The following BAZ1B variants were observed in gnomAD, a reference collection of about 807,000 sequenced individuals.
BAZ1B encodes tyrosine-protein kinase BAZ1B.
BAZ1B carries 22 observed loss-of-function variants against 153.8 expected under a neutral mutation model. The ratio of observed to expected loss-of-function variants is 0.14; its 90% CI spans 0.10 to 0.20. BAZ1B has a LOEUF of 0.20. Among genes scored for constraint, BAZ1B ranks in the 10% least tolerant of loss-of-function variants. BAZ1B has a pLI of 1.00. For missense variants in BAZ1B, 1,325 were observed against 1,799.3 expected, an observed-to-expected ratio of 0.74 and a Z score of 4.77; for synonymous variants, 676 against 633.4, an observed-to-expected ratio of 1.07 and a Z score of -1.01.
At chr7:73,481,988 G>A (rs556385860) in intron 6 of BAZ1B, among the ~76,000 whole-genome samples, 191 of 152,262 alleles carry the variant, frequency 1.3e-3, no homozygotes, top group Admixed American at 2.2e-3. Flanking sequence ...GCAGTGAGCC[G>A]AGATCCCGCC....
At chr7:73,447,020 A>C (rs1787862230) in intron 16 of BAZ1B, among the ~76,000 whole-genome samples, 1 of 152,230 alleles carries the variant, frequency 6.6e-6, no homozygotes, top group African/African-American at 2.4e-5. Flanking sequence ...AATTCTACTA[A>C]ATCTTAGAGC....
rs782374267 is a variant in BAZ1B, at chr7:73,478,111, C to A, written c.1350G>T (p.Met450Ile). The A allele has an allele frequency of 8.7e-6, 14 of 1,614,182 alleles. No homozygotes were observed. Among genetic ancestry groups the A allele is most frequent in the Non-Finnish European group, 5.1e-6 (6 of 1,180,032 alleles). The change falls in exon 7 of 20, where the codon ATG (methionine) becomes ATT (isoleucine). Residue 450 changes from methionine to isoleucine, a missense_variant. This residue lies in a region of BAZ1B where 219 missense variants were observed against 248.2 expected (regional missense o/e 0.88). Transcript: ENST00000339594. ...CCCCAGAATTCCGTGGGGCTCGTGT[C>A]ATCTTCTGCGTGCCTTTGGCCATAT... ...LLDMAKGTQK[M>I]TRAPRNSGGT...
intron 6 of BAZ1B, among the ~76,000 whole-genome samples, chr7:73,482,687 T>C (rs1243975940): frequency 6.6e-6 from 1 of 152,186 alleles, no homozygotes; most frequent in Non-Finnish European, 1.5e-5. Context: ...CTTAGAAGCA[T>C]AGTAGTATGA....
chr7:73,460,105 C>T (rs1292577822), intron 12 of BAZ1B, among the ~76,000 whole-genome samples: 1 of 149,206 alleles, frequency 6.7e-6, no homozygotes, highest in Non-Finnish European at 1.5e-5. Context: ...AGGAGAATCA[C>T]TTGAACCCGG....
At chr7:73,462,557 A>G in intron 12 of BAZ1B, 1 of 265,804 alleles carries the variant, frequency 3.8e-6, no homozygotes, top group Non-Finnish European at 7.2e-6. Context: ...GAGTGTGAAG[A>G]ATGGGCAAGT....
At chr7:73,468,400 C>A (rs2116308012) in intron 9 of BAZ1B, among the ~76,000 whole-genome samples, 1 of 151,936 alleles carries the variant, frequency 6.6e-6, no homozygotes, top group Non-Finnish European at 1.5e-5. Context: ...TCTTCCTCAT[C>A]AGTGTCATGG....
chr7:73,465,567 TG>T, intron 10 of BAZ1B, 30 bp from the exon 11 acceptor site: 5 of 1,358,148 alleles, frequency 3.7e-6, no homozygotes, highest in Non-Finnish European at 4.0e-6. Context: ...CTGATAACTC[TG>T]AAAAAAAAAA....
intron 6 of BAZ1B, among the ~76,000 whole-genome samples, chr7:73,480,023 G>A (rs1789140971): frequency 6.6e-6 from 1 of 151,990 alleles, no homozygotes; most frequent in African/African-American, 2.4e-5. Flanking sequence ...AAAAAAATTA[G>A]CCAGGCATGG....
At chr7:73,515,686 C>T (rs182714838) in intron 1 of BAZ1B, among the ~76,000 whole-genome samples, 50 of 152,102 alleles carry the variant, frequency 3.3e-4, no homozygotes, top group Non-Finnish European at 1.0e-4. Flanking sequence ...CACAGGCAAA[C>T]GCCAGCATGT....
chr7:73,515,646 T>A (rs577466209), intron 1 of BAZ1B, among the ~76,000 whole-genome samples: 1 of 148,016 alleles, frequency 6.8e-6, no homozygotes, highest in East Asian at 2.1e-4. Flanking sequence ...CAAGTGATCC[T>A]CCCACCTCAG....
chr7:73,444,882 C>T lies in BAZ1B; in HGVS notation c.3845-753G>A, dbSNP rs555372203. On this transcript the variant is annotated intron_variant, in intron 16 of 19. Coordinates refer to ENST00000339594, the MANE Select transcript of BAZ1B (RefSeq NM_032408.4). ...ATACAAAATTAGCAGGGCGTGGTGG[C>T]ACATGCTGGTAATCCCAGCTACTCA... Among the ~76,000 whole-genome samples the T allele has an allele frequency of 1.5e-3, 235 of 152,208 alleles. 4 individuals carry two copies. Among genetic ancestry groups the T allele is most frequent in the Non-Finnish European group, 4.7e-4 (32 of 68,028 alleles).
chr7:73,442,765 G>A lies in BAZ1B; in HGVS notation c.4054C>T (p.Leu1352Phe). Residue 1352 changes from leucine (L) to phenylalanine (F), a missense_variant, in exon 18 of 20, where the codon CTC becomes TTC. By Grantham distance (22) the Leu-to-Phe change is conservative (BLOSUM62 0). Transcript: ENST00000339594. ...AAGCGGTACTTCACGATCTTGTGGA[G>A]GATCTCTTCACACTTCTGCAGCTCC... ...SLELQKCEEI[L>F]HKIVKYRFSW... The A allele has an allele frequency of 6.2e-7, 1 of 1,614,188 alleles. No individual in the cohort carries two copies. Among genetic ancestry groups the A allele is most frequent in the Non-Finnish European group, 8.5e-7 (1 of 1,180,028 alleles).
At chr7:73,469,401 T>A in intron 9 of BAZ1B, 116 bp downstream of exon 9, 1 of 1,337,714 alleles carries the variant, frequency 7.5e-7, no homozygotes, top group East Asian at 2.3e-5. Flanking sequence ...CAAATAGATC[T>A]AAGACCACAA....
chr7:73,470,798 C>A (rs1788773579), intron 7 of BAZ1B, among the ~76,000 whole-genome samples: 1 of 152,042 alleles, frequency 6.6e-6, no homozygotes, highest in South Asian at 2.1e-4. Flanking sequence ...TGCAGTGGTG[C>A]GATCTCGGCT....
rs377067328 is a variant in BAZ1B, at chr7:73,484,312, T to C, written c.891+4882A>G. Among the ~76,000 whole-genome samples the C allele has an allele frequency of 1.3e-3, 191 of 149,254 alleles. 2 individuals carry two copies. The South Asian group carries it at 0.014, about 11-fold the overall frequency. ...GGAGGAAGATAGATAGATAGATAGATAGACAGACAGACAGACAGACAGACA... is the reference window on the plus strand; with the variant it reads ...GGAGGAAGATAGATAGATAGATAGACAGACAGACAGACAGACAGACAGACA... On this transcript the variant is annotated intron_variant, in intron 6 of 19. Coordinates refer to ENST00000339594, the MANE Select transcript of BAZ1B (RefSeq NM_032408.4).
intron 5 of BAZ1B, 24 bp from the exon 6 acceptor site, chr7:73,489,415 C>G (rs782360471): frequency 6.2e-7 from 1 of 1,613,012 alleles, no homozygotes; most frequent in South Asian, 1.1e-5. Context: ...AAACAAATAA[C>G]TCACCACTGG....
In BAZ1B at chr7:73,478,244, C is replaced by T. The variant is rs782342311; in HGVS notation, c.1217G>A (p.Gly406Asp). ...KHSDKPLKAKGRSKGILNGQK... is the reference protein window; with the variant it reads ...KHSDKPLKAKDRSKGILNGQK... The stretch of plus-strand genomic sequence containing the variant: ...TCCATTCAGGATGCCTTTGCTTCTG[C>T]CCTTTGCCTTCAAAGGCTTGTCACT... Residue 406 changes from glycine to aspartate, a missense_variant, in exon 7 of 20, where the codon GGC becomes GAC. Gly to Asp is a moderately conservative substitution (Grantham distance 94). Around this residue, in one of 9 missense-constraint regions of BAZ1B, gnomAD observed 219 missense variants for 248.2 expected, o/e 0.88. Transcript: ENST00000339594. The T allele has an allele frequency of 6.2e-6, 10 of 1,614,076 alleles. No individual in the cohort carries two copies. Among genetic ancestry groups the T allele is most frequent in the Non-Finnish European group, 6.8e-6 (8 of 1,180,040 alleles).
At position 73,516,769 on chromosome 7, in the gene BAZ1B, T is replaced by C. The variant is rs188966356; in HGVS notation, c.107+5058A>G. On this transcript the variant is annotated intron_variant, in intron 1 of 19. Transcript: ENST00000339594. ...CAGCCTGGGCGACAGACTGTGACTG[T>C]CTCAAAAAAAAAAAAAAAAAAAAAA... Among the ~76,000 whole-genome samples, 332 of 50,312 alleles carry C rather than the reference T, an allele frequency of 6.6e-3. 1 individual carries two copies. The highest frequency in any genetic ancestry group is 6.8e-3 in the Admixed American group (25 of 3,698). The allele number at this position is 50,312 out of a possible 152,430, so 33.0% of individuals were successfully genotyped here.
intron 16 of BAZ1B, among the ~76,000 whole-genome samples, chr7:73,446,882 A>G (rs949967116): frequency 6.6e-6 from 1 of 152,262 alleles, no homozygotes; most frequent in African/African-American, 2.4e-5. Context: ...CTCTGAAAGC[A>G]GCGATAAAAC....
Sources: gnomAD v4.1 joint callset for allele counts (sites outside exome capture counted in the v4.1 genomes callset) on GRCh38, gnomAD v4.1.1 for gene constraint, gnomAD v4.1.1 regional missense constraint, MANE v1.5 for transcripts, NCBI Gene and HGNC (gene_info 2026-07-23, HGNC 2026-07-21) for gene names.